SEMA3C: variants seen among roughly 807,000 people sequenced by gnomAD.
SEMA3C encodes the protein semaphorin 3C.
Under a neutral mutation model 89.4 loss-of-function variants are expected in SEMA3C, and 47 were observed. That is an observed-to-expected ratio of 0.53 (90% confidence interval 0.42 to 0.67). The LOEUF (loss-of-function observed/expected upper bound fraction) is 0.67, where lower values mean the gene tolerates loss of function less well. Ranked by LOEUF, SEMA3C falls within the 30% of genes least tolerant of loss-of-function variation. The pLI, the probability that SEMA3C is intolerant of heterozygous loss-of-function variation, is 0.00. For synonymous variants in SEMA3C, 310 were observed against 320.2 expected (o/e 0.97, Z 0.34); for missense variants, 839 against 929.1 (o/e 0.90, Z 1.26).
chr7:80,857,969 CCTT>C (rs1011756052), intron 2 of SEMA3C, among the ~76,000 whole-genome samples: 1 of 151,976 alleles, frequency 6.6e-6, no homozygotes, highest in African/African-American at 2.4e-5. Flanking sequence ...TTCAAATAGA[CCTT>C]TTTTTTCCAT....
At chr7:80,894,989 T>C (rs571709604) in intron 2 of SEMA3C, among the ~76,000 whole-genome samples, 1 of 152,298 alleles carries the variant, frequency 6.6e-6, no homozygotes, top group South Asian at 2.1e-4. Context: ...ATGTTTCTTT[T>C]AAACTGTGAG....
chr7:80,827,462 T>C lies in SEMA3C; in HGVS notation c.290A>G (p.Lys97Arg). 6.2e-7 allele frequency: 1 copy of C among 1,602,964 alleles called. No homozygotes were observed. Among genetic ancestry groups the C allele is most frequent in the South Asian group, 1.1e-5 (1 of 88,526 alleles). ...GCCAGCCATTTTGCATTCTTCAACT[T>C]TGATTGTAGATGCTGGCCAGAAAAC... is the stretch of plus-strand genomic sequence containing the variant. Reference protein sequence around the residue: ...LSVFWPASTIKVEECKMAGKD... With the variant: ...LSVFWPASTIRVEECKMAGKD... The change falls in exon 4 of 18, where the codon AAA becomes AGA. Residue 97 changes from lysine (K) to arginine (R), a missense_variant. Transcript: ENST00000265361.
intron 15 of SEMA3C, 33 bp downstream of exon 15, chr7:80,758,298 A>G (rs1788109003): frequency 6.3e-7 from 1 of 1,595,068 alleles, no homozygotes; most frequent in Non-Finnish European, 8.5e-7. Context: ...GGTGTCCTAC[A>G]TTTGGATGTT....
chr7:80,787,094 T>TA (rs374159792), intron 12 of SEMA3C, among the ~76,000 whole-genome samples: 8 of 152,042 alleles, frequency 5.3e-5, no homozygotes, highest in African/African-American at 1.9e-4. Flanking sequence ...TGGAGTATCT[T>TA]AAAAAAGGGG....
intron 15 of SEMA3C, among the ~76,000 whole-genome samples, chr7:80,756,055 C>A (rs2117043344): frequency 6.6e-6 from 1 of 152,258 alleles, no homozygotes; most frequent in Admixed American, 6.5e-5. Context: ...AGTGATCCAG[C>A]CCAGGCCACT....
chr7:80,777,113 A>G (rs1788568854), intron 12 of SEMA3C, among the ~76,000 whole-genome samples: 1 of 152,158 alleles, frequency 6.6e-6, no homozygotes, highest in South Asian at 2.1e-4. Context: ...AAGTAAATCT[A>G]TAAAGTCTAC....
chr7:80,761,538 C>T, intron 14 of SEMA3C, 78 bp downstream of exon 14: 1 of 777,704 alleles, frequency 1.3e-6, no homozygotes. Context: ...ACTAATTATT[C>T]AGAAGTTATA....
intron 12 of SEMA3C, among the ~76,000 whole-genome samples, chr7:80,766,512 A>T (rs1469615329): frequency 6.6e-6 from 1 of 152,210 alleles, no homozygotes; most frequent in Non-Finnish European, 1.5e-5. Context: ...AATAGAGGGT[A>T]TTTAAACTCC....
At chr7:80,838,766 AAC>A (rs1281350413) in intron 2 of SEMA3C, among the ~76,000 whole-genome samples, 3 of 152,142 alleles carry the variant, frequency 2.0e-5, no homozygotes, top group African/African-American at 7.2e-5. Flanking sequence ...AAGAAAGTGC[AAC>A]ACTTAAAACC....
chr7:80,916,501 G>A (rs962183294), intron 2 of SEMA3C, among the ~76,000 whole-genome samples, 178 bp downstream of exon 2: 1 of 152,056 alleles, frequency 6.6e-6, no homozygotes, highest in African/African-American at 2.4e-5. Context: ...ATCCAACAGA[G>A]GATCTTTGTC....
Position 80,749,037 on chromosome 7 carries a change from C to T in SEMA3C, c.1712-9G>A. ...AGCTGCATTTCTGTATGCTAGCAGG[C>T]AAAAATAAAAGGCGAGAGAGAAAGA... On this transcript the variant is annotated splice_polypyrimidine_tract_variant and intron_variant, in intron 16 of 17. Coordinates refer to ENST00000265361, the MANE Select transcript of SEMA3C (RefSeq NM_006379.5). The T allele has an allele frequency of 1.3e-6, 2 of 1,586,648 alleles. No homozygotes were observed. The highest frequency in any genetic ancestry group is 1.7e-6 in the Non-Finnish European group (2 of 1,169,488).
chr7:80,896,998 TG>T (rs1791754248), intron 2 of SEMA3C, among the ~76,000 whole-genome samples: 1 of 152,082 alleles, frequency 6.6e-6, no homozygotes, highest in Non-Finnish European at 1.5e-5. Context: ...AAGACTTGTG[TG>T]GCAGGGGTGT....
chr7:80,773,123 T>G (rs150362584), intron 12 of SEMA3C, among the ~76,000 whole-genome samples: 1,792 of 152,284 alleles, frequency 0.012, 42 homozygotes, highest in African/African-American at 0.04. Flanking sequence ...AGCTAACAAA[T>G]TAGTTTTTAA....
chr7:80,820,357 G>A (rs1175428067), intron 4 of SEMA3C, among the ~76,000 whole-genome samples: 1 of 151,768 alleles, frequency 6.6e-6, no homozygotes, highest in East Asian at 1.9e-4. Context: ...ACCATGCCTG[G>A]CCTCTCCTAT....
intron 6 of SEMA3C, among the ~76,000 whole-genome samples, chr7:80,807,493 AT>A (rs1431305115): frequency 6.6e-6 from 1 of 152,208 alleles, no homozygotes; most frequent in Non-Finnish European, 1.5e-5. Flanking sequence ...GAAATTTTTG[AT>A]AAATGTCACT....
intron 7 of SEMA3C, among the ~76,000 whole-genome samples, chr7:80,805,009 T>C (rs1408883546): frequency 6.6e-6 from 1 of 152,016 alleles, no homozygotes; most frequent in Non-Finnish European, 1.5e-5. Context: ...ACAACAGCAA[T>C]TGATTGGAAT....
chr7:80,773,169 TA>T (rs2117076772), intron 12 of SEMA3C, among the ~76,000 whole-genome samples: 1 of 152,288 alleles, frequency 6.6e-6, no homozygotes, highest in South Asian at 2.1e-4. Flanking sequence ...TATTTTTAGC[TA>T]AAATAACACA....
rs962979881 is a variant in SEMA3C at position 80,834,628 on chromosome 7, G to C, written c.104-5883C>G. ...ATTTTTGAGTTAACTAAGTCACGAA[G>C]AATCTCATTCATGCACTCAAAAATG... On this transcript the variant is annotated intron_variant, in intron 2 of 17. Coordinates refer to ENST00000265361, the MANE Select transcript of SEMA3C (RefSeq NM_006379.5). Among the ~76,000 whole-genome samples the C allele has an allele frequency of 7.2e-5, 11 of 152,116 alleles. No homozygotes were observed. The South Asian group carries it at 1.9e-3, about 26-fold the overall frequency.
chr7:80,747,139 T>A (rs980599260), intron 17 of SEMA3C, among the ~76,000 whole-genome samples: 1 of 152,110 alleles, frequency 6.6e-6, no homozygotes, highest in Non-Finnish European at 1.5e-5. Context: ...TTCATACTTG[T>A]GTTAGAGCTA....
Sources: allele counts gnomAD v4.1 joint callset (sites outside exome capture counted in the v4.1 genomes callset), GRCh38; gene constraint gnomAD v4.1.1; transcripts MANE v1.5; gene names NCBI Gene and HGNC (gene_info 2026-07-23, HGNC 2026-07-21).